CSMD3: variants seen among roughly 807,000 people sequenced by gnomAD.
CSMD3 encodes CUB and sushi domain-containing protein 3.
CSMD3 carries 177 observed loss-of-function variants against 435.2 expected under a neutral mutation model. The observed-to-expected ratio is 0.41, with a 90% confidence interval of 0.36 to 0.46. The LOEUF (loss-of-function observed/expected upper bound fraction) is 0.46, where lower values mean the gene tolerates loss of function less well. CSMD3 is among the 20% of genes least tolerant of loss of function. CSMD3 has a pLI of 0.34. For missense variants in CSMD3, 4,265 were observed against 4,504.6 expected (o/e 0.95, Z 1.52); for synonymous variants, 1,656 against 1,520.5 (o/e 1.09, Z -2.07).
chr8:113,322,216 AC>A (rs2093954001), intron 1 of CSMD3, among the ~76,000 whole-genome samples: 1 of 152,054 alleles, frequency 6.6e-6, no homozygotes, highest in South Asian at 2.1e-4. Flanking sequence ...AATTTTCTAA[AC>A]TTTTACTCAT....
rs148636764 is a variant in CSMD3, at chr8:112,807,566, T to C, written c.1860-7292A>G. Among the ~76,000 whole-genome samples the C allele has an allele frequency of 8.2e-4, 125 of 152,018 alleles. 1 individual carries two copies. The highest frequency in any genetic ancestry group is 2.9e-3 in the African/African-American group (121 of 41,480). ...AAATACATGTTTGGTGTCCATCAAA[T>C]AGGAGAGCAAATTTGGAGAAATAGA... On this transcript the variant is annotated intron_variant, in intron 12 of 70. Transcript: ENST00000297405.
chr8:112,465,188 G>A (rs972939316), intron 32 of CSMD3, among the ~76,000 whole-genome samples: 1 of 152,030 alleles, frequency 6.6e-6, no homozygotes, highest in African/African-American at 2.4e-5. Context: ...TTTTAAGCCT[G>A]GAAAAAATTA....
At chr8:113,206,866 C>G (rs1402720743) in intron 3 of CSMD3, among the ~76,000 whole-genome samples, 1 of 152,122 alleles carries the variant, frequency 6.6e-6, no homozygotes, top group Non-Finnish European at 1.5e-5. Flanking sequence ...ACATTTAGTA[C>G]AATTCTTGTA....
chr8:112,283,479 G>C (rs1267572719), intron 58 of CSMD3, among the ~76,000 whole-genome samples: 1 of 151,448 alleles, frequency 6.6e-6, no homozygotes, highest in African/African-American at 2.4e-5. Flanking sequence ...ATTTATATAT[G>C]CATATGTGTA....
At chr8:113,002,768 T>A (rs1188007505) in intron 6 of CSMD3, among the ~76,000 whole-genome samples, 1 of 152,156 alleles carries the variant, frequency 6.6e-6, no homozygotes, top group Non-Finnish European at 1.5e-5. Context: ...CAAACTTTCC[T>A]GTCAACATGT....
At chr8:112,382,943 A>T (rs1159322817) in intron 37 of CSMD3, among the ~76,000 whole-genome samples, 1 of 152,216 alleles carries the variant, frequency 6.6e-6, no homozygotes, top group East Asian at 1.9e-4. Flanking sequence ...GTGAGCTGAG[A>T]TCTCACCACT....
chr8:112,254,157 A>G (rs541046474), intron 63 of CSMD3, 96 bp downstream of exon 63: 1 of 873,130 alleles, frequency 1.1e-6, no homozygotes. Flanking sequence ...CAGATAGAAC[A>G]TGACTTTTTG....
At chr8:112,652,043 T>C (rs1045100454) in intron 18 of CSMD3, among the ~76,000 whole-genome samples, 1 of 152,180 alleles carries the variant, frequency 6.6e-6, no homozygotes, top group Non-Finnish European at 1.5e-5. Flanking sequence ...ATTTATTCTA[T>C]ATAAAATGTT....
chr8:112,534,514 G>A (rs886357846), intron 27 of CSMD3, among the ~76,000 whole-genome samples: 2 of 152,164 alleles, frequency 1.3e-5, no homozygotes, highest in African/African-American at 2.4e-5. Flanking sequence ...CCAATTACAG[G>A]CTCTGAAATT....
chr8:113,368,011 C>T (rs1372146575), intron 1 of CSMD3, among the ~76,000 whole-genome samples: 5 of 152,042 alleles, frequency 3.3e-5, no homozygotes, highest in African/African-American at 1.2e-4. Flanking sequence ...TGCTGATTTG[C>T]TACTGACTGC....
chr8:113,170,935 A>T (rs1233895775), intron 4 of CSMD3, among the ~76,000 whole-genome samples: 1 of 151,934 alleles, frequency 6.6e-6, no homozygotes, highest in Non-Finnish European at 1.5e-5. Context: ...TCTTGCTGGG[A>T]CCTGGGAGTG....
intron 13 of CSMD3, among the ~76,000 whole-genome samples, chr8:112,798,098 G>A (rs2078871325): frequency 7.2e-5 from 11 of 151,830 alleles, no homozygotes; most frequent in Admixed American, 7.2e-4. Flanking sequence ...TCTGTGATGG[G>A]TAGAGCTAAC....
intron 23 of CSMD3, among the ~76,000 whole-genome samples, chr8:112,578,876 C>G (rs1324151581): frequency 6.6e-6 from 1 of 151,994 alleles, no homozygotes; most frequent in Non-Finnish European, 1.5e-5. Flanking sequence ...TAATTTGGCT[C>G]ACACACTGTT....
At chr8:112,957,459 G>C (rs1181460142) in intron 7 of CSMD3, among the ~76,000 whole-genome samples, 2 of 152,166 alleles carry the variant, frequency 1.3e-5, no homozygotes, top group African/African-American at 2.4e-5. Flanking sequence ...ATTTTTGTTT[G>C]TTTGTTTGTT....
chr8:112,256,682 A>G (rs1040101162), intron 61 of CSMD3, among the ~76,000 whole-genome samples: 23 of 152,248 alleles, frequency 1.5e-4, no homozygotes, highest in African/African-American at 4.8e-4. Flanking sequence ...AAGAAAATAC[A>G]TAACATATAA....
At chr8:113,407,859 T>C (rs1181144871) in intron 1 of CSMD3, among the ~76,000 whole-genome samples, 1 of 152,148 alleles carries the variant, frequency 6.6e-6, no homozygotes, top group Non-Finnish European at 1.5e-5. Context: ...AACATGTCAG[T>C]AATTTCTAAA....
At chr8:112,600,166 C>T (rs1832199513) in intron 22 of CSMD3, among the ~76,000 whole-genome samples, 1 of 151,808 alleles carries the variant, frequency 6.6e-6, no homozygotes, top group African/African-American at 2.4e-5. Flanking sequence ...AATATAATAA[C>T]TCAAGACATG....
intron 23 of CSMD3, among the ~76,000 whole-genome samples, chr8:112,580,560 G>A (rs898011231): frequency 2.0e-5 from 3 of 150,600 alleles, no homozygotes; most frequent in Admixed American, 6.6e-5. Context: ...AAAAGATACT[G>A]GGGGTTGGTC....
In CSMD3 at chr8:112,351,289, T is replaced by A. The variant is rs772052809; in HGVS notation, c.6256-45A>T. On this transcript the variant is annotated intron_variant, in intron 39 of 70. Transcript: ENST00000297405. ...TGGTTCAGTACACATACATAAAAAG[T>A]TTAAATTTATTGTAGCATAGTCAAT... 3.2e-6 allele frequency: 4 copies of A among 1,248,966 alleles called. No individual in the cohort carries two copies. In the Admixed American group the frequency reaches 6.7e-5, roughly 21 times the overall value. 77.4% of individuals were successfully genotyped at this position (1,248,966 alleles called of 1,614,324 possible). A position where few individuals can be genotyped will look rare whatever the true frequency, so the allele number is the denominator to read the frequency against.
Sources: gnomAD v4.1 joint callset for allele counts (sites outside exome capture counted in the v4.1 genomes callset) on GRCh38, gnomAD v4.1.1 for gene constraint, MANE v1.5 for transcripts, NCBI Gene and HGNC (gene_info 2026-07-23, HGNC 2026-07-21) for gene names.